Variants in ATAD2 observed in about 807,000 individuals in gnomAD.
ATAD2 encodes ATPase family AAA domain-containing protein 2.
Under a neutral mutation model 168.9 loss-of-function variants are expected in ATAD2, and 62 were observed. The ratio of observed to expected loss-of-function variants is 0.37; its 90% CI spans 0.30 to 0.45. The LOEUF is 0.45. ATAD2 is among the 20% of genes least tolerant of loss of function. The pLI, the probability that ATAD2 is intolerant of heterozygous loss-of-function variation, is 1.00. For synonymous variants in ATAD2, 613 were observed against 571.6 expected (o/e 1.07, Z -1.03); for missense variants, 1,419 against 1,667.8 (o/e 0.85, Z 2.60).
At chr8:123,393,308 C>T (rs1479841934) in intron 1 of ATAD2, among the ~76,000 whole-genome samples, 3 of 151,870 alleles carry the variant, frequency 2.0e-5, no homozygotes, top group South Asian at 2.1e-4. Context: ...TCCAGGAGTT[C>T]GAGACCAGCC....
chr8:123,413,117 G>A (rs1813185211), intron 1 of ATAD2, among the ~76,000 whole-genome samples: 1 of 151,986 alleles, frequency 6.6e-6, no homozygotes, highest in African/African-American at 2.4e-5. Context: ...CTCTGTGGGA[G>A]GATAGAATCC....
At chr8:123,354,853 AAAAAAAAAAAAATAT>A (rs1828582656) in intron 13 of ATAD2, among the ~76,000 whole-genome samples, 2 of 123,982 alleles carry the variant, frequency 1.6e-5, no homozygotes, top group African/African-American at 6.6e-5. Flanking sequence ...AAAAAAAAAA[AAAAAAAAAAAAATAT>A]ATATATATAT....
At chr8:123,389,411 G>C (rs552434525) in intron 1 of ATAD2, among the ~76,000 whole-genome samples, 13 of 149,686 alleles carry the variant, frequency 8.7e-5, no homozygotes, top group African/African-American at 3.2e-4. Flanking sequence ...AGGCCAAGGC[G>C]GGCGGATCAC....
chr8:123,369,918 T>TTCATCATCTTCA lies in ATAD2; in HGVS notation c.833_834insTGAAGATGATGA (p.Asp277_Glu278insAspGluAspAsp). On this transcript the variant is annotated inframe_insertion, in exon 7 of 28. Coordinates refer to ENST00000287394, the MANE Select transcript of ATAD2 (RefSeq NM_014109.4). ...CTCCATCTTCTTCATCTTCATCATC[T>TTCATCATCTTCA]TCATCATCATCATCATCATCATCAT... The TTCATCATCTTCA allele has an allele frequency of 6.4e-7, 1 of 1,567,892 alleles. No individual in the cohort carries two copies. Among genetic ancestry groups the TTCATCATCTTCA allele is most frequent in the African/African-American group, 1.4e-5 (1 of 71,372 alleles).
chr8:123,405,929 T>C (rs753219646), intron 1 of ATAD2, among the ~76,000 whole-genome samples: 2 of 152,242 alleles, frequency 1.3e-5, no homozygotes, highest in Admixed American at 1.3e-4. Context: ...TCAAAAACTA[T>C]GTACAACAAC....
intron 1 of ATAD2, among the ~76,000 whole-genome samples, chr8:123,389,456 G>C (rs906719079): frequency 6.6e-6 from 1 of 150,542 alleles, no homozygotes; most frequent in Non-Finnish European, 1.5e-5. Flanking sequence ...TGGCTATCAC[G>C]GTGAAAACCC....
chr8:123,333,442 G>A (rs2131293208), intron 24 of ATAD2, among the ~76,000 whole-genome samples: 1 of 143,698 alleles, frequency 7.0e-6, no homozygotes, highest in African/African-American at 2.6e-5. Context: ...AGGGTAGTGA[G>A]GAATTACAGT....
At chr8:123,378,994 C>T (rs1323393063) in intron 2 of ATAD2, among the ~76,000 whole-genome samples, 4 of 151,796 alleles carry the variant, frequency 2.6e-5, no homozygotes, top group Non-Finnish European at 4.4e-5. Flanking sequence ...GAGAGGGTCT[C>T]GTTATGTTGC....
chr8:123,391,485 G>GAAA lies in ATAD2; in HGVS notation c.171+4699_171+4701dup, dbSNP rs10563871. Among the ~76,000 whole-genome samples the GAAA allele has an allele frequency of 1.5e-4, 5 of 33,860 alleles. 1 individual carries two copies. The highest frequency in any genetic ancestry group is 4.5e-4 in the African/African-American group (4 of 8,924). 22.2% of individuals were successfully genotyped at this position (33,860 alleles called of 152,430 possible). On this transcript the variant is annotated intron_variant, in intron 1 of 27. Coordinates refer to ENST00000287394, the MANE Select transcript of ATAD2 (RefSeq NM_014109.4). ...CTGATCAGAGGTAATGAGAAGTTTT[G>GAAA]AAAAAAAAAAAAAAAAAAAAAAAAA...
chr8:123,361,511 T>A (rs1198475647), intron 9 of ATAD2, 28 bp downstream of exon 9: 2 of 1,553,490 alleles, frequency 1.3e-6, no homozygotes, highest in South Asian at 2.2e-5. Context: ...TGTCTGCTAG[T>A]TTAAAAAGGC....
chr8:123,392,941 T>G (rs1320254994), intron 1 of ATAD2, among the ~76,000 whole-genome samples: 1 of 152,158 alleles, frequency 6.6e-6, no homozygotes, highest in Non-Finnish European at 1.5e-5. Context: ...TCCCAGCACT[T>G]TGGGAGGCCG....
At chr8:123,350,431 A>G (rs2131338102) in intron 13 of ATAD2, among the ~76,000 whole-genome samples, 1 of 152,312 alleles carries the variant, frequency 6.6e-6, no homozygotes, top group South Asian at 2.1e-4. Context: ...ATAATATCTA[A>G]TACCCAATTT....
At chr8:123,345,143 A>T in intron 18 of ATAD2, 74 bp from the exon 19 acceptor site, 1 of 1,381,554 alleles carries the variant, frequency 7.2e-7, no homozygotes, top group Non-Finnish European at 9.8e-7. Context: ...AGTCTGAAAC[A>T]ATGTTTAACC....
intron 1 of ATAD2, among the ~76,000 whole-genome samples, chr8:123,393,511 AAAAT>A (rs1385567906): frequency 6.6e-6 from 1 of 152,110 alleles, no homozygotes; most frequent in African/African-American, 2.4e-5. Context: ...CTCTGTCTCA[AAAAT>A]AAATAAATGC....
At chr8:123,394,593 C>A (rs1276222975) in intron 1 of ATAD2, among the ~76,000 whole-genome samples, 1 of 151,980 alleles carries the variant, frequency 6.6e-6, no homozygotes, top group Non-Finnish European at 1.5e-5. Flanking sequence ...CGAGATCACA[C>A]CAGTGCACTC....
Position 123,402,690 on chromosome 8 carries a change from C to A in ATAD2, c.-2281-1515G>T, listed in dbSNP as rs1381539717. Among the ~76,000 whole-genome samples, 1 of 152,142 alleles carries A rather than the reference C, an allele frequency of 6.6e-6. No homozygotes were observed. Among genetic ancestry groups the A allele is most frequent in the African/African-American group, 2.4e-5 (1 of 41,418 alleles). The stretch of plus-strand genomic sequence containing the variant: ...CCCCTCATTCCTGACTCACCACCGT[C>A]CCCAGGTGTACCATTCCTGCCCTCT... On this transcript the variant is annotated intron_variant, in intron 1 of 28. Transcript: ENST00000521903. This position sits in a 1 kb window ranked among gnomAD's most constrained non-coding sequence, Gnocchi z 4.8.
At position 123,347,111 on chromosome 8, in the gene ATAD2, T is replaced by G. The variant is rs368693918; in HGVS notation, c.2193A>C (p.Thr731=). The change falls in exon 16 of 28, where the codon ACA becomes ACC. Residue 731 remains threonine, a synonymous_variant. Transcript: ENST00000287394. ...QRVFPHAEFR[T]NKTLDSDISC... ...TTATACCTGAGTCTAATGTTTTATT[T>G]GTTCTGAATTCTGCATGTGGAAATA... 2.5e-6 allele frequency: 4 copies of G among 1,610,166 alleles called. No homozygotes were observed. The highest frequency in any genetic ancestry group is 3.4e-6 in the Non-Finnish European group (4 of 1,177,672).
intron 8 of ATAD2, among the ~76,000 whole-genome samples, chr8:123,362,252 C>G (rs1828847974): frequency 1.3e-5 from 2 of 150,852 alleles, no homozygotes; most frequent in Non-Finnish European, 2.9e-5. Context: ...ATGATTGCAC[C>G]ACTGCACTGC....
chr8:123,383,481 T>C (rs780898338), intron 1 of ATAD2, among the ~76,000 whole-genome samples: 7 of 152,132 alleles, frequency 4.6e-5, no homozygotes, highest in Non-Finnish European at 7.3e-5. Context: ...TGTTAAGAAA[T>C]TGAATGACAG....
Sources: allele counts gnomAD v4.1 joint callset (sites outside exome capture counted in the v4.1 genomes callset), GRCh38; gene constraint gnomAD v4.1.1; non-coding constraint Gnocchi (gnomAD v3.1); transcripts MANE v1.5; gene names NCBI Gene and HGNC (gene_info 2026-07-23, HGNC 2026-07-21).